Variants in THBS2 observed in about 807,000 individuals in gnomAD.
THBS2 encodes thrombospondin-2.
THBS2 carries 47 observed loss-of-function variants against 135.2 expected under a neutral mutation model. The ratio of observed to expected loss-of-function variants is 0.35; its 90% confidence interval spans 0.28 to 0.44. The LOEUF is 0.44. Among genes scored for constraint, THBS2 ranks in the 20% least tolerant of loss-of-function variants. The pLI is 1.00. For synonymous variants in THBS2, 639 were observed against 633.8 expected (o/e 1.01, Z -0.12); for missense variants, 1,288 against 1,603.1 (o/e 0.80, Z 3.36).
intron 7 of THBS2, among the ~76,000 whole-genome samples, chr6:169,238,654 AT>A (rs1270981558): frequency 6.6e-6 from 1 of 152,216 alleles, no homozygotes; most frequent in Non-Finnish European, 1.5e-5. Context: ...TAGGGGATAC[AT>A]TTTCTGCATG....
At position 169,225,391 on chromosome 6, in the gene THBS2, G is replaced by A; in HGVS notation, c.2539-12C>T. The A allele has an allele frequency of 9.7e-6, 15 of 1,552,302 alleles. No individual in the cohort carries two copies. Among genetic ancestry groups the A allele is most frequent in the Non-Finnish European group, 1.3e-5 (15 of 1,147,084 alleles). On this transcript the variant is annotated splice_polypyrimidine_tract_variant and intron_variant, in intron 16 of 21. Coordinates refer to ENST00000617924, the MANE Select transcript of THBS2 (RefSeq NM_003247.5). ...TTGTCCACGTCGGTCTAGGGGATGG[G>A]GCGTGAGAGAAACAGCAGAGGACTG... is the stretch of plus-strand genomic sequence containing the variant.
chr6:169,234,992 T>A, intron 9 of THBS2, 85 bp from the exon 10 acceptor site: 1 of 1,371,416 alleles, frequency 7.3e-7, no homozygotes, highest in Non-Finnish European at 9.9e-7. Context: ...GAAGAGCAGG[T>A]GGGACATGGT....
At chr6:169,235,920 C>T (rs1780027307) in intron 9 of THBS2, among the ~76,000 whole-genome samples, 1 of 130,586 alleles carries the variant, frequency 7.7e-6, no homozygotes, top group Admixed American at 7.5e-5. Context: ...TCCCTCTGTC[C>T]ACACTCACTA....
In THBS2 at chr6:169,252,668, C is replaced by T. The variant is rs561675325; in HGVS notation, c.-23+1056G>A. ...ACAGGAAGGATGAGCAGCCAGGCTA[C>T]CTGGCCTCAGCCCATCCAGGGACAC... On this transcript the variant is annotated intron_variant, in intron 1 of 21. Coordinates refer to ENST00000617924, the MANE Select transcript of THBS2 (RefSeq NM_003247.5). This position sits in a 1 kb window ranked among gnomAD's most constrained non-coding sequence, Gnocchi z 4.3. Among the ~76,000 whole-genome samples, 86 of 152,328 alleles carry T rather than the reference C, an allele frequency of 5.6e-4. No homozygotes were observed. The highest frequency in any genetic ancestry group is 3.4e-3 in the Middle Eastern group (1 of 294).
At chr6:169,243,097 T>TTCCCACCAC (rs1780417823) in intron 4 of THBS2, among the ~76,000 whole-genome samples, 2 of 125,110 alleles carry the variant, frequency 1.6e-5, no homozygotes, top group African/African-American at 6.6e-5. Context: ...TGCTCCCACC[T>TTCCCACCAC]TCCCACCTTC....
At position 169,217,624 on chromosome 6, in the gene THBS2, A is replaced by T. The variant is rs1779220878; in HGVS notation, c.*198T>A. 1.9e-6 allele frequency: 1 copy of T among 535,484 alleles called. No individual in the cohort carries two copies. The highest frequency in any genetic ancestry group is 3.7e-5 in the Admixed American group (1 of 26,836). The allele number at this position is 535,484 out of a possible 1,614,324, so 33.2% of individuals were successfully genotyped here. A position where few individuals can be genotyped will look rare whatever the true frequency, so the allele number is the denominator to read the frequency against. On this transcript the variant is annotated 3_prime_UTR_variant, in exon 22 of 22. Coordinates refer to ENST00000617924, the MANE Select transcript of THBS2 (RefSeq NM_003247.5). Reference sequence around the variant, plus strand: ...GTTTCCTCTAGTGGGTTAGATGTTCATCTCTGAGTTCCATTGATATTTATC... The same window carrying T: ...GTTTCCTCTAGTGGGTTAGATGTTCTTCTCTGAGTTCCATTGATATTTATC...
intron 4 of THBS2, among the ~76,000 whole-genome samples, chr6:169,245,596 T>A (rs749466616): frequency 6.6e-6 from 1 of 151,966 alleles, no homozygotes; most frequent in Non-Finnish European, 1.5e-5. Flanking sequence ...ATCGAGACCA[T>A]CTTGGCTAAC....
intron 4 of THBS2, among the ~76,000 whole-genome samples, chr6:169,243,013 A>C (rs146448923): frequency 0.032 from 370 of 11,552 alleles, 5 homozygotes; most frequent in Admixed American, 0.058. Flanking sequence ...ACCTTCCCAC[A>C]TTCCCACCTT....
intron 20 of THBS2, among the ~76,000 whole-genome samples, 160 bp from the exon 21 acceptor site, chr6:169,220,497 TCCAG>T (rs1272627023): frequency 4.6e-5 from 7 of 152,188 alleles, no homozygotes; most frequent in Non-Finnish European, 8.8e-5. Flanking sequence ...CCTTTGGAGC[TCCAG>T]CCACCCCTGG....
At chr6:169,218,184 T>C (rs1398429669) in intron 21 of THBS2, among the ~76,000 whole-genome samples, 6 of 134,194 alleles carry the variant, frequency 4.5e-5, no homozygotes, top group African/African-American at 1.4e-4. Flanking sequence ...GATGGATGAG[T>C]GGGTTGGTGG....
At chr6:169,224,831 C>T (rs146656913) in intron 17 of THBS2, among the ~76,000 whole-genome samples, 17 of 152,306 alleles carry the variant, frequency 1.1e-4, no homozygotes, top group African/African-American at 1.7e-4. Context: ...ATCCTACGTT[C>T]GTAACCCGCA....
intron 13 of THBS2, among the ~76,000 whole-genome samples, chr6:169,231,268 A>T (rs1779822790): frequency 6.6e-6 from 1 of 152,210 alleles, no homozygotes; most frequent in Non-Finnish European, 1.5e-5. Flanking sequence ...TTCCGGAGAG[A>T]AAGGCACTGG....
At chr6:169,223,514 A>C (rs1337097703) in intron 17 of THBS2, 39 bp from the exon 18 acceptor site, 2 of 1,579,910 alleles carry the variant, frequency 1.3e-6, no homozygotes, top group Non-Finnish European at 1.7e-6. Context: ...AACAAAAACA[A>C]AGAAGCAAAG....
intron 9 of THBS2, among the ~76,000 whole-genome samples, chr6:169,236,753 CTCCA>C (rs1220667038): frequency 4.0e-5 from 6 of 148,776 alleles, no homozygotes; most frequent in Non-Finnish European, 8.9e-5. Context: ...TCCACACTCA[CTCCA>C]TCCACACTCA....
rs201921563 is a variant in THBS2, at chr6:169,248,984, A to G, written c.53-11T>C. ...TGTCCTGGTGACCAGCTGCAAAGGGAACCGCAGTGGAGAAGGGTGACGTAG... is the reference window on the plus strand; with the variant it reads ...TGTCCTGGTGACCAGCTGCAAAGGGGACCGCAGTGGAGAAGGGTGACGTAG... On this transcript the variant is annotated splice_polypyrimidine_tract_variant and intron_variant, in intron 2 of 21. Coordinates refer to ENST00000617924, the MANE Select transcript of THBS2 (RefSeq NM_003247.5). 3 of 1,589,354 alleles carry G rather than the reference A, an allele frequency of 1.9e-6. No homozygotes were observed. Among genetic ancestry groups the G allele is most frequent in the East Asian group, 4.5e-5 (2 of 44,498 alleles).
Position 169,234,716 on chromosome 6 carries a change from C to A in THBS2, c.1651+18G>T. 6.5e-7 allele frequency: 1 copy of A among 1,529,558 alleles called. No homozygotes were observed. The highest frequency in any genetic ancestry group is 8.8e-7 in the Non-Finnish European group (1 of 1,130,974). 94.7% of individuals were successfully genotyped at this position (1,529,558 alleles called of 1,614,324 possible). A position where few individuals can be genotyped will look rare whatever the true frequency, so the allele number is the denominator to read the frequency against. On this transcript the variant is annotated intron_variant, in intron 10 of 21. Coordinates refer to ENST00000617924, the MANE Select transcript of THBS2 (RefSeq NM_003247.5). ...GGAAGCCCGGGTTTCAGTGCCCCCG[C>A]TTCTACCCCTCACTCACCCACGGGG... is the stretch of plus-strand genomic sequence containing the variant.
intron 7 of THBS2, chr6:169,239,254 A>G (rs1780208789): frequency 1.5e-5 from 5 of 332,878 alleles, no homozygotes; most frequent in Non-Finnish European, 2.8e-5. Context: ...ACTTGCTGCC[A>G]TAACACAGTC....
chr6:169,226,950 A>T (rs9505921), intron 15 of THBS2, among the ~76,000 whole-genome samples: 27,099 of 152,056 alleles, frequency 0.18, 2,510 homozygotes, highest in South Asian at 0.24. Context: ...GAACACCTAA[A>T]AAATAAAAAT....
At chr6:169,223,531 G>A (rs1435665018) in intron 17 of THBS2, 56 bp from the exon 18 acceptor site, 4 of 1,526,640 alleles carry the variant, frequency 2.6e-6, no homozygotes, top group Non-Finnish European at 3.6e-6. Context: ...AAAGTCGGTG[G>A]TCGGTGGTTT....
Sources: gnomAD v4.1 joint callset for allele counts (sites outside exome capture counted in the v4.1 genomes callset) on GRCh38, gnomAD v4.1.1 for gene constraint, Gnocchi (gnomAD v3.1) non-coding constraint, MANE v1.5 for transcripts, NCBI Gene and HGNC (gene_info 2026-07-23, HGNC 2026-07-21) for gene names.